Variants in MPP1 observed in about 807,000 individuals in gnomAD.
MPP1 encodes the protein 55 kDa erythrocyte membrane protein.
Under a neutral mutation model 38.2 loss-of-function variants are expected in MPP1, and 6 were observed. The observed-to-expected ratio is 0.16, with a 90% confidence interval of 0.09 to 0.31. The LOEUF (loss-of-function observed/expected upper bound fraction) is 0.31. MPP1 is among the 10% of genes least tolerant of loss of function. The pLI is 1.00. For missense variants in MPP1, 293 were observed against 368.9 expected (o/e 0.79, Z 1.69); for synonymous variants, 153 against 146.3 (o/e 1.05, Z -0.33).
At chrX:154,795,856 T>C (rs2072190138) in intron 1 of MPP1, among the ~76,000 whole-genome samples, 1 of 112,198 alleles carries the variant, frequency 8.9e-6, no homozygotes, top group African/African-American at 3.2e-5. Context: ...TGGGTGGCTA[T>C]AAGATGGGGT....
Position 154,778,837 on chromosome X carries a change from AC to A in MPP1, c.*339del, listed in dbSNP as rs782370390. 8 of 231,646 alleles carry A rather than the reference AC, an allele frequency of 3.5e-5. No individual in the cohort carries two copies. The highest frequency in any genetic ancestry group is 1.2e-4 in the Admixed American group (2 of 16,042). The allele number at this position is 231,646 out of a possible 1,213,427, so 19.1% of individuals were successfully genotyped here. A position where few individuals can be genotyped will look rare whatever the true frequency, so the allele number is the denominator to read the frequency against. Reference sequence around the variant, plus strand: ...AAGACAAATGAAATACCCAGCATATACAGTTGAAGGCAAAGGAGGGCAGGCT... The same window carrying A: ...AAGACAAATGAAATACCCAGCATATAAGTTGAAGGCAAAGGAGGGCAGGCT... On this transcript the variant is annotated 3_prime_UTR_variant, in exon 12 of 12. Coordinates refer to ENST00000369534, the MANE Select transcript of MPP1 (RefSeq NM_002436.4).
chrX:154,805,472 C>A lies in MPP1; in HGVS notation c.-99G>T, dbSNP rs1415190224. 17 of 859,086 alleles carry A rather than the reference C, an allele frequency of 2.0e-5. No individual in the cohort carries two copies. The allele number at this position is 859,086 out of a possible 1,213,427, so 70.8% of individuals were successfully genotyped here. A position where few individuals can be genotyped will look rare whatever the true frequency, so the allele number is the denominator to read the frequency against. On this transcript the variant is annotated 5_prime_UTR_variant, in exon 1 of 12. Coordinates refer to ENST00000369534, the MANE Select transcript of MPP1 (RefSeq NM_002436.4). ...TGCGGAGAAGGCGGGAGACGCGGTG[C>A]GGCTGGGCCAGTCACCGCCCCGCAG...
chrX:154,792,892 G>A (rs1377897241), intron 1 of MPP1, among the ~76,000 whole-genome samples: 3 of 111,400 alleles, frequency 2.7e-5, no homozygotes, highest in Non-Finnish European at 5.6e-5. Context: ...CATTGCCACT[G>A]TGACTTCTTC....
At chrX:154,800,982 A>G (rs782327367) in intron 1 of MPP1, among the ~76,000 whole-genome samples, 1 of 112,620 alleles carries the variant, frequency 8.9e-6, no homozygotes, top group Non-Finnish European at 1.9e-5. Context: ...ATGTTACGAA[A>G]GTTCCTCTTC....
At chrX:154,794,538 A>G (rs1224442850) in intron 1 of MPP1, among the ~76,000 whole-genome samples, 1 of 111,740 alleles carries the variant, frequency 8.9e-6, no homozygotes, top group Non-Finnish European at 1.9e-5. Context: ...AATAGGGGAT[A>G]GCTGCATTCC....
intron 1 of MPP1, among the ~76,000 whole-genome samples, chrX:154,802,063 ACT>A (rs1174190726): frequency 4.5e-5 from 5 of 111,593 alleles, no homozygotes; most frequent in African/African-American, 1.6e-4. Flanking sequence ...CACACCGTAG[ACT>A]CAACCTCCTG....
chrX:154,795,841 G>A (rs1469261864), intron 1 of MPP1, among the ~76,000 whole-genome samples: 1 of 112,196 alleles, frequency 8.9e-6, no homozygotes, highest in African/African-American at 3.2e-5. Context: ...TCTAGGGAGA[G>A]GAACTGGGTG....
chrX:154,790,963 C>T lies in MPP1; in HGVS notation c.411+20G>A, dbSNP rs782470908. ...TATGGAGACAATGGAAGGTCTTCAT[C>T]TAGCATAGAAAATACCCACCATCGC... On this transcript the variant is annotated intron_variant, in intron 4 of 11. Coordinates refer to ENST00000369534, the MANE Select transcript of MPP1 (RefSeq NM_002436.4). 1.7e-6 allele frequency: 2 copies of T among 1,193,797 alleles called. No individual in the cohort carries two copies.
chrX:154,795,352 A>G (rs781905247), intron 1 of MPP1, among the ~76,000 whole-genome samples: 65 of 112,019 alleles, frequency 5.8e-4, no homozygotes, highest in African/African-American at 2.0e-3. Context: ...TAGGAAAAGG[A>G]GGTTCTGAGG....
chrX:154,787,016 A>C (rs1439570061), intron 5 of MPP1, among the ~76,000 whole-genome samples: 1 of 109,249 alleles, frequency 9.2e-6, no homozygotes, highest in Non-Finnish European at 1.9e-5. Flanking sequence ...TCTTTGAACA[A>C]CTGTTTTCAC....
intron 1 of MPP1, chrX:154,799,959 G>A: frequency 1.0e-6 from 1 of 952,547 alleles, no homozygotes; most frequent in Non-Finnish European, 1.4e-6. Flanking sequence ...GGTGAATAGA[G>A]CAGGGGCAAC....
At chrX:154,798,082 C>T (rs782748925) in intron 1 of MPP1, among the ~76,000 whole-genome samples, 1 of 112,383 alleles carries the variant, frequency 8.9e-6, no homozygotes, top group Non-Finnish European at 1.9e-5. Flanking sequence ...TATCACTACA[C>T]ATCTATCAGA....
At chrX:154,786,788 C>T (rs909744125) in intron 5 of MPP1, among the ~76,000 whole-genome samples, 1 of 99,374 alleles carries the variant, frequency 1.0e-5, no homozygotes, top group African/African-American at 3.7e-5. Context: ...CCCAGCTACT[C>T]GGGAGGCTGA....
Position 154,783,430 on chromosome X carries a change from G to C in MPP1, c.943C>G (p.Pro315Ala). 1 of 1,208,795 alleles carries C rather than the reference G, an allele frequency of 8.3e-7. No homozygotes were observed. Among genetic ancestry groups the C allele is most frequent in the Non-Finnish European group, 1.1e-6 (1 of 893,625 alleles). ...QNPEKFVYPV[P>A]YTTRPPRKSE... ...AAGGTGCCTAAGAGCTACTTACATG[G>C]GACAGGGTACACAAACTTCTCCGGA... Residue 315 changes from proline to alanine, a missense_variant, in exon 9 of 12, where the codon CCA becomes GCA. Physicochemically the swap from Pro to Ala is conservative, Grantham distance 27 (BLOSUM62 -1). Coordinates refer to ENST00000369534, the MANE Select transcript of MPP1 (RefSeq NM_002436.4).
At chrX:154,804,245 A>G (rs139368084) in intron 1 of MPP1, among the ~76,000 whole-genome samples, 2,019 of 111,767 alleles carry the variant, frequency 0.018, 51 homozygotes, top group African/African-American at 0.061. Flanking sequence ...CATCTGTGAA[A>G]TCGGAGGGTT....
At chrX:154,782,267 C>T (rs974098876) in intron 9 of MPP1, 9 of 116,409 alleles carry the variant, frequency 7.7e-5, no homozygotes, top group African/African-American at 2.9e-4. Context: ...TTCTATTACT[C>T]ATATAAATTG....
Position 154,788,789 on chromosome X carries a change from G to A in MPP1, c.480+1165C>T, listed in dbSNP as rs782341706. On this transcript the variant is annotated intron_variant, in intron 5 of 11. Transcript: ENST00000369534. ...ATATTGCTGAATTAGATCCTGTTTG[G>A]TGAATGGCAGCCATTCAATGTAAGA... Among the ~76,000 whole-genome samples, 36 of 111,761 alleles carry A rather than the reference G, an allele frequency of 3.2e-4. No homozygotes were observed. In the South Asian group the frequency reaches 0.013, roughly 40 times the overall value.
At chrX:154,784,688 T>A (rs1376415107) in intron 7 of MPP1, 1 of 280,911 alleles carries the variant, frequency 3.6e-6, no homozygotes, top group African/African-American at 2.8e-5. Flanking sequence ...CCACAGTCTA[T>A]AGTGCAAAAT....
At position 154,781,978 on chromosome X, in the gene MPP1, A is replaced by T. The variant is rs1008853603; in HGVS notation, c.947-176T>A. ...GCTAGAAAGTGATGCACACCAGGAA[A>T]TCCCTCCATCTGCCCAGGACACATT... On this transcript the variant is annotated intron_variant, in intron 9 of 11. Coordinates refer to ENST00000369534, the MANE Select transcript of MPP1 (RefSeq NM_002436.4). 4.7e-5 allele frequency: 20 copies of T among 427,220 alleles called. No individual in the cohort carries two copies. The African/African-American group carries it at 4.7e-4, about 10-fold the overall frequency. 35.2% of individuals were successfully genotyped at this position (427,220 alleles called of 1,213,427 possible).
Sources: gnomAD v4.1 joint callset for allele counts (sites outside exome capture counted in the v4.1 genomes callset) on GRCh38, gnomAD v4.1.1 for gene constraint, MANE v1.5 for transcripts, NCBI Gene and HGNC (gene_info 2026-07-23, HGNC 2026-07-21) for gene names.